Variants in SLC24A2 observed in about 807,000 individuals in gnomAD.
SLC24A2 encodes sodium/potassium/calcium exchanger 2.
Under a neutral mutation model 62.0 loss-of-function variants are expected in SLC24A2, and 36 were observed. The observed-to-expected ratio is 0.58, with a 90% confidence interval of 0.44 to 0.77. The LOEUF (loss-of-function observed/expected upper bound fraction) is 0.77. Ranked by LOEUF, SLC24A2 falls within the 30% of genes least tolerant of loss-of-function variation. SLC24A2 has a pLI of 0.00. For synonymous variants in SLC24A2, 358 were observed against 294.0 expected (o/e 1.22, Z -2.23); for missense variants, 846 against 817.9 (o/e 1.03, Z -0.42).
chr9:19,602,168 T>TAA (rs1037773483), intron 4 of SLC24A2, among the ~76,000 whole-genome samples: 2 of 152,198 alleles, frequency 1.3e-5, no homozygotes, highest in Non-Finnish European at 2.9e-5. Flanking sequence ...TTCACAACCT[T>TAA]AGTTTCCTCA....
At chr9:19,535,696 T>A (rs578182501) in intron 8 of SLC24A2, among the ~76,000 whole-genome samples, 15 of 152,332 alleles carry the variant, frequency 9.8e-5, no homozygotes, top group African/African-American at 3.6e-4. Flanking sequence ...GCCTCTGTTC[T>A]GTTCCATTGG....
the SLC24A2 span, among the ~76,000 whole-genome samples, chr9:20,081,308 A>T: frequency 2.0e-5 from 3 of 151,970 alleles, no homozygotes; most frequent in Admixed American, 2.0e-4. Context: ...ATAAAAAATG[A>T]TGAGTTCATG....
the SLC24A2 span, among the ~76,000 whole-genome samples, chr9:20,098,426 G>C: frequency 6.6e-6 from 1 of 152,160 alleles, no homozygotes; most frequent in African/African-American, 2.4e-5. Context: ...TAGATACTAA[G>C]AAATACTTCT....
At chr9:20,025,848 A>T in the SLC24A2 span, among the ~76,000 whole-genome samples, 5 of 152,152 alleles carry the variant, frequency 3.3e-5, no homozygotes, top group Non-Finnish European at 7.4e-5. Flanking sequence ...CTGCTCAGTG[A>T]ACAGAGGAGT....
At chr9:20,096,845 G>C in the SLC24A2 span, among the ~76,000 whole-genome samples, 4 of 151,818 alleles carry the variant, frequency 2.6e-5, no homozygotes, top group Non-Finnish European at 2.9e-5. Flanking sequence ...TTTGTTTTCA[G>C]AAAGCACTGT....
At chr9:20,007,017 C>T in the SLC24A2 span, among the ~76,000 whole-genome samples, 3 of 152,138 alleles carry the variant, frequency 2.0e-5, no homozygotes, top group African/African-American at 4.8e-5. Flanking sequence ...TGTCAACATC[C>T]TTGCTTTCTA....
At chr9:20,080,274 C>A in the SLC24A2 span, among the ~76,000 whole-genome samples, 1 of 152,196 alleles carries the variant, frequency 6.6e-6, no homozygotes, top group African/African-American at 2.4e-5. Context: ...GTTACCAAAA[C>A]AGAGATATAG....
chr9:20,195,121 T>C, the SLC24A2 span, among the ~76,000 whole-genome samples: 1 of 152,320 alleles, frequency 6.6e-6, no homozygotes, highest in Admixed American at 6.5e-5. Flanking sequence ...AATTTTAATG[T>C]ATTCATGTTC....
At position 19,561,633 on chromosome 9, in the gene SLC24A2, A is replaced by G. The variant is rs547167187; in HGVS notation, c.1348-11365T>C. On this transcript the variant is annotated intron_variant, in intron 7 of 10. Coordinates refer to ENST00000341998, the MANE Select transcript of SLC24A2 (RefSeq NM_020344.4). ...GTATTTTTAGTAGAGATGGGATTTC[A>G]CCCATCCAGGATGGTCTTGACCTCC... 1.1e-4 allele frequency among the ~76,000 whole-genome samples: 16 copies of G among 150,944 alleles called. No individual in the cohort carries two copies. The East Asian group carries it at 3.0e-3, about 28-fold the overall frequency.
chr9:19,830,250 G>A, the SLC24A2 span, among the ~76,000 whole-genome samples: 1 of 152,130 alleles, frequency 6.6e-6, no homozygotes, highest in Non-Finnish European at 1.5e-5. Context: ...TTTCACATAT[G>A]TCAGGATATC....
At chr9:19,785,874 A>G in intron 2 of SLC24A2, 63 bp downstream of exon 2, 1 of 1,610,780 alleles carries the variant, frequency 6.2e-7, no homozygotes, top group South Asian at 1.1e-5. Flanking sequence ...GCAGATCTCA[A>G]AAACATAATA....
At chr9:20,137,547 T>G in the SLC24A2 span, among the ~76,000 whole-genome samples, 1 of 152,326 alleles carries the variant, frequency 6.6e-6, no homozygotes, top group Non-Finnish European at 1.5e-5. Flanking sequence ...ATGTGATATG[T>G]TGACACTGTG....
chr9:19,533,369 G>A (rs1833799507), intron 8 of SLC24A2, among the ~76,000 whole-genome samples: 2 of 152,182 alleles, frequency 1.3e-5, no homozygotes, highest in Non-Finnish European at 2.9e-5. Context: ...ATGGTGGACT[G>A]CAAAAATGGG....
the SLC24A2 span, among the ~76,000 whole-genome samples, chr9:20,062,165 G>A: frequency 3.3e-4 from 50 of 152,124 alleles, no homozygotes; most frequent in African/African-American, 1.2e-3. Flanking sequence ...AAAGTCCAAG[G>A]TAGCAGTGAG....
chr9:20,196,527 A>T, the SLC24A2 span, among the ~76,000 whole-genome samples: 6 of 152,228 alleles, frequency 3.9e-5, no homozygotes, highest in Admixed American at 3.3e-4. Flanking sequence ...ACTTATCTAG[A>T]AAAATCAGAT....
At chr9:19,972,966 G>T in the SLC24A2 span, among the ~76,000 whole-genome samples, 7 of 151,610 alleles carry the variant, frequency 4.6e-5, no homozygotes, top group South Asian at 1.2e-3. Flanking sequence ...TCATCTTTTG[G>T]GGGGTGGGAA....
At chr9:20,102,433 G>A in the SLC24A2 span, among the ~76,000 whole-genome samples, 2 of 140,876 alleles carry the variant, frequency 1.4e-5, no homozygotes, top group Admixed American at 7.1e-5. Flanking sequence ...CTAAGTGGGA[G>A]TTGAACATTG....
At chr9:19,884,125 T>TATGACATA in the SLC24A2 span, among the ~76,000 whole-genome samples, 1 of 152,334 alleles carries the variant, frequency 6.6e-6, no homozygotes. Context: ...ACACTAATTA[T>TATGACATA]CCCTCACAAC....
chr9:19,597,157 T>G, intron 5 of SLC24A2, 72 bp downstream of exon 5: 1 of 998,310 alleles, frequency 1.0e-6, no homozygotes, highest in South Asian at 1.3e-5. Context: ...AAAAAAAGAA[T>G]AAAAAATGGG....
Sources: allele counts gnomAD v4.1 joint callset (sites outside exome capture counted in the v4.1 genomes callset), GRCh38; gene constraint gnomAD v4.1.1; transcripts MANE v1.5; gene names NCBI Gene and HGNC (gene_info 2026-07-23, HGNC 2026-07-21).